DLGAP1: variants seen among roughly 807,000 people sequenced by gnomAD.
DLGAP1 encodes the protein DLG associated protein 1.
In DLGAP1, 11 loss-of-function variants were observed where a neutral mutation model predicts 90.8. The ratio of observed to expected loss-of-function variants is 0.12; its 90% CI spans 0.08 to 0.20. The LOEUF (loss-of-function observed/expected upper bound fraction) is 0.20, where lower values mean the gene tolerates loss of function less well. Ranked by LOEUF, DLGAP1 falls within the 10% of genes least tolerant of loss-of-function variation. The probability of loss-of-function intolerance (pLI) is 1.00; values close to 1 mark genes in which losing one functional copy is unlikely to be tolerated. For missense variants in DLGAP1, 1,050 were observed against 1,333.8 expected (o/e 0.79, Z 3.31); for synonymous variants, 558 against 540.7 (o/e 1.03, Z -0.44).
At chr18:3,878,913 T>C (rs572802671) in intron 4 of DLGAP1, among the ~76,000 whole-genome samples, 199 bp downstream of exon 4, 81 of 152,330 alleles carry the variant, frequency 5.3e-4, no homozygotes, top group African/African-American at 1.9e-3. Flanking sequence ...TGTCTTAAGA[T>C]AACCCGGTGA....
At chr18:3,525,392 T>C (rs2051548503) in intron 10 of DLGAP1, among the ~76,000 whole-genome samples, 1 of 152,212 alleles carries the variant, frequency 6.6e-6, no homozygotes, top group South Asian at 2.1e-4. Context: ...ATTGCATTTA[T>C]TGCATTTATT....
intron 3 of DLGAP1, among the ~76,000 whole-genome samples, chr18:3,981,371 G>C (rs2073724859): frequency 6.6e-6 from 1 of 152,224 alleles, no homozygotes; most frequent in Non-Finnish European, 1.5e-5. Context: ...CTGCACTCTT[G>C]AGGCTTCCGT....
intron 1 of DLGAP1, among the ~76,000 whole-genome samples, chr18:4,247,088 A>C (rs1245640054): frequency 6.6e-6 from 1 of 152,114 alleles, no homozygotes; most frequent in Non-Finnish European, 1.5e-5. Flanking sequence ...AAGGAGGAGA[A>C]GGAAGGGAAG....
At chr18:4,101,671 C>T (rs2075780283) in intron 2 of DLGAP1, among the ~76,000 whole-genome samples, 1 of 151,974 alleles carries the variant, frequency 6.6e-6, no homozygotes, top group African/African-American at 2.4e-5. Context: ...GTCTTGCTGC[C>T]AACTCTGACT....
intron 1 of DLGAP1, among the ~76,000 whole-genome samples, chr18:4,362,109 C>T: frequency 6.6e-6 from 1 of 152,100 alleles, no homozygotes; most frequent in East Asian, 1.9e-4. Flanking sequence ...TGTAGAGAAA[C>T]TGGAACACTT....
intron 1 of DLGAP1, among the ~76,000 whole-genome samples, chr18:4,283,609 G>C (rs1163550906): frequency 6.6e-6 from 1 of 152,110 alleles, no homozygotes; most frequent in African/African-American, 2.4e-5. Context: ...TAAAGGGAGA[G>C]TGCGAAAAGT....
At chr18:4,180,742 G>A (rs939286120) in intron 1 of DLGAP1, among the ~76,000 whole-genome samples, 3 of 150,240 alleles carry the variant, frequency 2.0e-5, no homozygotes, top group African/African-American at 7.4e-5. Flanking sequence ...CTTTAGATGG[G>A]GAAGGTTTAC....
chr18:4,305,351 G>A (rs766515598), intron 1 of DLGAP1, among the ~76,000 whole-genome samples: 7 of 151,826 alleles, frequency 4.6e-5, no homozygotes, highest in Admixed American at 6.6e-5. Context: ...CTTGACCAAC[G>A]TGGTGAAACC....
intron 7 of DLGAP1, among the ~76,000 whole-genome samples, chr18:3,590,571 A>G (rs776464824): frequency 6.6e-6 from 1 of 152,094 alleles, no homozygotes; most frequent in African/African-American, 2.4e-5. Context: ...AATTGAGTGT[A>G]GGGTCAGGTA....
intron 7 of DLGAP1, among the ~76,000 whole-genome samples, chr18:3,659,115 G>C (rs2059594329): frequency 1.3e-5 from 2 of 152,034 alleles, no homozygotes; most frequent in South Asian, 4.1e-4. Context: ...TTTATATTGG[G>C]AAGTAACTAT....
intron 2 of DLGAP1, among the ~76,000 whole-genome samples, chr18:4,114,056 CTT>C (rs58180172): frequency 1.1e-4 from 12 of 106,914 alleles, no homozygotes; most frequent in Middle Eastern, 6.0e-3. Flanking sequence ...ATGCCTCTGG[CTT>C]TTTTTTTTTT....
chr18:3,728,300 T>TTTTA lies in DLGAP1; in HGVS notation c.1591+834_1591+835insTAAA, dbSNP rs1555644253. ...GGATTTTCTTTTTGGAACGCAAATGTTATATATATATATATATATATATAT... is the reference window on the plus strand; with the variant it reads ...GGATTTTCTTTTTGGAACGCAAATGTTTTATATATATATATATATATATATATAT... On this transcript the variant is annotated intron_variant, in intron 7 of 12. Transcript: ENST00000315677. 2.8e-4 allele frequency among the ~76,000 whole-genome samples: 35 copies of TTTTA among 123,648 alleles called. 1 individual carries two copies. In the East Asian group the frequency reaches 9.4e-3, roughly 33 times the overall value. The allele number at this position is 123,648 out of a possible 152,430, so 81.1% of individuals were successfully genotyped here.
chr18:3,568,110 T>G (rs1259786125), intron 8 of DLGAP1, among the ~76,000 whole-genome samples: 2 of 152,136 alleles, frequency 1.3e-5, no homozygotes, highest in Non-Finnish European at 2.9e-5. Flanking sequence ...AGTTGGCCAG[T>G]CTGGTCTCAA....
rs116730490 is a variant in DLGAP1, at chr18:4,169,476, C to T, written c.-266-18189G>A. On this transcript the variant is annotated intron_variant, in intron 1 of 12. Coordinates refer to ENST00000315677, the MANE Select transcript of DLGAP1 (RefSeq NM_004746.4). ...AGTTATACTATTCAAGGGAGATAAC[C>T]TAACAAAATACATATGGCAAATTAA... 2.9e-3 allele frequency among the ~76,000 whole-genome samples: 436 copies of T among 152,180 alleles called. 2 individuals are homozygous for T. Among genetic ancestry groups the T allele is most frequent in the African/African-American group, 9.3e-3 (388 of 41,520 alleles).
At chr18:3,922,330 G>A (rs943417358) in intron 3 of DLGAP1, among the ~76,000 whole-genome samples, 5 of 152,274 alleles carry the variant, frequency 3.3e-5, no homozygotes, top group African/African-American at 9.6e-5. Context: ...AGAGGTGCCC[G>A]GCATTAAGCC....
At chr18:3,991,838 C>T (rs1238902738) in intron 3 of DLGAP1, among the ~76,000 whole-genome samples, 1 of 152,238 alleles carries the variant, frequency 6.6e-6, no homozygotes, top group South Asian at 2.1e-4. Context: ...CCCATTGTAA[C>T]TAACCACTTT....
chr18:4,410,323 A>G (rs1045426065), intron 1 of DLGAP1, among the ~76,000 whole-genome samples: 4 of 152,200 alleles, frequency 2.6e-5, no homozygotes, highest in African/African-American at 9.7e-5. Flanking sequence ...AATTGGTAGA[A>G]AAATTCAATA....
intron 2 of DLGAP1, among the ~76,000 whole-genome samples, chr18:4,104,083 T>C (rs2075822182): frequency 6.6e-6 from 1 of 152,160 alleles, no homozygotes; most frequent in Non-Finnish European, 1.5e-5. Context: ...CTAATTTCTA[T>C]TTCTAGTTAA....
intron 3 of DLGAP1, among the ~76,000 whole-genome samples, chr18:3,912,396 C>G (rs2072054820): frequency 1.3e-5 from 2 of 151,964 alleles, no homozygotes. Context: ...AATATGAGGC[C>G]TAGTGTGCGA....
Sources: gnomAD v4.1 joint callset for allele counts (sites outside exome capture counted in the v4.1 genomes callset) on GRCh38, gnomAD v4.1.1 for gene constraint, MANE v1.5 for transcripts, NCBI Gene and HGNC (gene_info 2026-07-23, HGNC 2026-07-21) for gene names.